The following SPPL3 variants were observed in gnomAD, a reference collection of about 807,000 sequenced individuals.
The protein encoded by SPPL3 is signal peptide peptidase-like 3.
In SPPL3, 5 loss-of-function variants were observed where a neutral mutation model predicts 42.4. That is an observed-to-expected ratio of 0.12 (90% CI 0.06 to 0.25). The LOEUF is 0.25. Among genes scored for constraint, SPPL3 ranks in the 10% least tolerant of loss-of-function variants. The pLI is 1.00. For synonymous variants in SPPL3, 195 were observed against 181.8 expected (o/e 1.07, Z -0.58); for missense variants, 235 against 489.0 (o/e 0.48, Z 4.90).
chr12:120,877,582 A>G (rs775373592), intron 1 of SPPL3, among the ~76,000 whole-genome samples: 1 of 152,064 alleles, frequency 6.6e-6, no homozygotes, highest in Non-Finnish European at 1.5e-5. Flanking sequence ...GGAGTTCAAG[A>G]CCAGCCTGGC....
At chr12:120,820,852 G>C (rs1871045701) in intron 1 of SPPL3, among the ~76,000 whole-genome samples, 1 of 152,106 alleles carries the variant, frequency 6.6e-6, no homozygotes, top group Non-Finnish European at 1.5e-5. Context: ...CAACACTCTG[G>C]GAGGCTGAGG....
intron 1 of SPPL3, among the ~76,000 whole-genome samples, chr12:120,900,418 C>T (rs117130360): frequency 1.4e-3 from 214 of 151,424 alleles, no homozygotes; most frequent in Non-Finnish European, 2.5e-3. Context: ...AGACCAGCAC[C>T]GGCAACATGG....
chr12:120,810,914 A>C (rs1870662743), intron 1 of SPPL3, 28 bp from the exon 2 acceptor site: 1 of 1,550,876 alleles, frequency 6.4e-7, no homozygotes, highest in Admixed American at 1.7e-5. Context: ...AAAAAATTTA[A>C]ATCACATGCA....
chr12:120,775,264 C>T (rs572263943), intron 6 of SPPL3, among the ~76,000 whole-genome samples: 1 of 152,278 alleles, frequency 6.6e-6, no homozygotes, highest in South Asian at 2.1e-4. Flanking sequence ...GATTCTCCTG[C>T]CTCAGCCTCC....
At chr12:120,882,803 A>C (rs548452) in intron 1 of SPPL3, among the ~76,000 whole-genome samples, 1 of 151,896 alleles carries the variant, frequency 6.6e-6, no homozygotes, top group Non-Finnish European at 1.5e-5. Context: ...CCAAGGCGAA[A>C]GATTGCTTGA....
At position 120,762,841 on chromosome 12, in the gene SPPL3, C is replaced by T. The variant is rs1164332374; in HGVS notation, c.*2158G>A. 6.6e-6 allele frequency: 1 copy of T among 152,224 alleles called. No individual in the cohort carries two copies. The highest frequency in any genetic ancestry group is 1.5e-5 in the Non-Finnish European group (1 of 68,088). 9.4% of individuals were successfully genotyped at this position (152,224 alleles called of 1,614,324 possible). On this transcript the variant is annotated 3_prime_UTR_variant, in exon 11 of 11. Transcript: ENST00000353487. ...GCTCCCAACCTTGTGATCCACCTGCCTCGGCCTCCCAAAGTGCTGGGATTA... is the reference window on the plus strand; with the variant it reads ...GCTCCCAACCTTGTGATCCACCTGCTTCGGCCTCCCAAAGTGCTGGGATTA...
At chr12:120,876,624 A>AAAAAAAAAAAAAG (rs1873101049) in intron 1 of SPPL3, among the ~76,000 whole-genome samples, 6 of 143,842 alleles carry the variant, frequency 4.2e-5, no homozygotes, top group East Asian at 2.0e-4. Context: ...CTCAAAAAAA[A>AAAAAAAAAAAAAG]AAAAAAAAAA....
intron 2 of SPPL3, among the ~76,000 whole-genome samples, chr12:120,806,697 A>C (rs1870505019): frequency 6.6e-6 from 1 of 151,966 alleles, no homozygotes; most frequent in African/African-American, 2.4e-5. Flanking sequence ...AAAATACAAA[A>C]AATTAGCTGG....
chr12:120,774,743 C>A (rs532286501), intron 6 of SPPL3, among the ~76,000 whole-genome samples: 169 of 151,952 alleles, frequency 1.1e-3, no homozygotes, highest in African/African-American at 3.8e-3. Flanking sequence ...ATTCAAGTAA[C>A]CCTTAAAAAA....
At chr12:120,819,458 C>A (rs1485405549) in intron 1 of SPPL3, among the ~76,000 whole-genome samples, 2 of 152,130 alleles carry the variant, frequency 1.3e-5, no homozygotes, top group African/African-American at 4.8e-5. Context: ...TTCAAAAATT[C>A]TATTTTCACT....
chr12:120,775,170 A>T (rs1184173919), intron 6 of SPPL3, among the ~76,000 whole-genome samples: 1 of 152,086 alleles, frequency 6.6e-6, no homozygotes, highest in Non-Finnish European at 1.5e-5. Flanking sequence ...ATTTATTTAG[A>T]GGCAGAGTCT....
intron 1 of SPPL3, among the ~76,000 whole-genome samples, chr12:120,817,019 G>A (rs532411723): frequency 6.6e-6 from 1 of 152,120 alleles, no homozygotes; most frequent in East Asian, 1.9e-4. Context: ...GCTGGGTGTG[G>A]TGGCTCATGC....
At chr12:120,792,964 A>G (rs1869971748) in intron 2 of SPPL3, among the ~76,000 whole-genome samples, 1 of 152,218 alleles carries the variant, frequency 6.6e-6, no homozygotes, top group African/African-American at 2.4e-5. Flanking sequence ...CGTGCCTCAA[A>G]GGACACTAAC....
intron 1 of SPPL3, among the ~76,000 whole-genome samples, chr12:120,894,071 C>T (rs970514340): frequency 4.6e-5 from 7 of 152,236 alleles, no homozygotes; most frequent in African/African-American, 1.4e-4. Context: ...CGCCTGTAAT[C>T]CCAGCACTTG....
intron 1 of SPPL3, chr12:120,811,150 A>G (rs1870670286): frequency 7.0e-6 from 2 of 284,448 alleles, no homozygotes; most frequent in Non-Finnish European, 1.3e-5. Flanking sequence ...CCATCTCTGT[A>G]TATGTTTACA....
chr12:120,850,881 C>T (rs1473274635), intron 1 of SPPL3, among the ~76,000 whole-genome samples: 1 of 152,152 alleles, frequency 6.6e-6, no homozygotes, highest in Non-Finnish European at 1.5e-5. Flanking sequence ...AATCTGCTAC[C>T]ACTCACTCTG....
At chr12:120,786,607 T>C (rs1482652737) in intron 3 of SPPL3, among the ~76,000 whole-genome samples, 1 of 152,166 alleles carries the variant, frequency 6.6e-6, no homozygotes, top group Non-Finnish European at 1.5e-5. Context: ...CATGCGAAAC[T>C]GAATACAAAG....
intron 1 of SPPL3, among the ~76,000 whole-genome samples, chr12:120,849,470 G>C (rs1446119818): frequency 6.6e-6 from 1 of 152,202 alleles, no homozygotes; most frequent in African/African-American, 2.4e-5. Flanking sequence ...ATCTATACTA[G>C]CAATGGCCTA....
chr12:120,775,377 C>T (rs1869277521), intron 6 of SPPL3, among the ~76,000 whole-genome samples: 1 of 152,176 alleles, frequency 6.6e-6, no homozygotes. Flanking sequence ...GTCTCCAACT[C>T]CTGACCTCAA....
Sources: allele counts gnomAD v4.1 joint callset (sites outside exome capture counted in the v4.1 genomes callset), GRCh38; gene constraint gnomAD v4.1.1; transcripts MANE v1.5; gene names NCBI Gene and HGNC (gene_info 2026-07-23, HGNC 2026-07-21).